MYO1D: variants seen among roughly 807,000 people sequenced by gnomAD.
The protein encoded by MYO1D is myosin ID, also known as unconventional myosin-Id.
In MYO1D, 83 loss-of-function variants were observed where a neutral mutation model predicts 122.0. That is an observed-to-expected ratio of 0.68 (90% CI 0.57 to 0.82). The LOEUF is 0.82. MYO1D is among the 40% of genes least tolerant of loss of function. The pLI, the probability that MYO1D is intolerant of heterozygous loss-of-function variation, is 0.00. For missense variants in MYO1D, 1,157 were observed against 1,269.5 expected (o/e 0.91, Z 1.35); for synonymous variants, 464 against 446.9 (o/e 1.04, Z -0.48).
chr17:32,820,463 T>C (rs1449938324), intron 1 of MYO1D, among the ~76,000 whole-genome samples: 2 of 152,182 alleles, frequency 1.3e-5, no homozygotes, highest in Non-Finnish European at 2.9e-5. Flanking sequence ...AATCCTGCCA[T>C]TTGTGACATG....
At chr17:32,704,195 A>G (rs993197348) in intron 16 of MYO1D, among the ~76,000 whole-genome samples, 2 of 152,232 alleles carry the variant, frequency 1.3e-5, no homozygotes, top group African/African-American at 4.8e-5. Context: ...GAACACACAC[A>G]CAAACTCAAA....
chr17:32,715,933 TCTC>T (rs1179176208), intron 15 of MYO1D, among the ~76,000 whole-genome samples: 9 of 152,150 alleles, frequency 5.9e-5, no homozygotes, highest in African/African-American at 1.7e-4. Flanking sequence ...ATTTAACAAT[TCTC>T]CTCATCTTTA....
intron 16 of MYO1D, among the ~76,000 whole-genome samples, chr17:32,709,060 C>T (rs1416415607): frequency 6.6e-6 from 1 of 152,160 alleles, no homozygotes; most frequent in Non-Finnish European, 1.5e-5. Flanking sequence ...CTGCCACAGA[C>T]TGAAGTCTGT....
intron 16 of MYO1D, among the ~76,000 whole-genome samples, chr17:32,699,006 C>T (rs1032150271): frequency 2.0e-5 from 3 of 152,054 alleles, no homozygotes; most frequent in Non-Finnish European, 4.4e-5. Context: ...CTTGCTCTGT[C>T]GCCCAGGTTG....
chr17:32,803,872 A>C (rs1485817455), intron 1 of MYO1D, among the ~76,000 whole-genome samples: 2 of 152,242 alleles, frequency 1.3e-5, no homozygotes, highest in Admixed American at 6.5e-5. Context: ...ATCCAAACAC[A>C]GTAATTACCA....
chr17:32,638,878 A>G, intron 19 of MYO1D, 43 bp from the exon 20 acceptor site: 1 of 1,358,052 alleles, frequency 7.4e-7, no homozygotes. Context: ...CTCATCAATA[A>G]GGAAATCAAG....
At chr17:32,827,515 T>A (rs1179251970) in intron 1 of MYO1D, among the ~76,000 whole-genome samples, 1 of 152,216 alleles carries the variant, frequency 6.6e-6, no homozygotes, top group Non-Finnish European at 1.5e-5. Context: ...TACTTAATGC[T>A]ACAGAAATAC....
intron 21 of MYO1D, among the ~76,000 whole-genome samples, chr17:32,546,666 C>T (rs1250065224): frequency 2.6e-5 from 4 of 152,204 alleles, no homozygotes. Context: ...TTCCCCAAAC[C>T]CCTGTGCTCC....
At chr17:32,754,048 TTAAA>T (rs2089923804) in intron 11 of MYO1D, among the ~76,000 whole-genome samples, 1 of 152,212 alleles carries the variant, frequency 6.6e-6, no homozygotes, top group Non-Finnish European at 1.5e-5. Context: ...AAATGAAAAT[TTAAA>T]TAAGATTTAT....
chr17:32,575,614 C>G (rs147658077), intron 21 of MYO1D, among the ~76,000 whole-genome samples: 1 of 152,144 alleles, frequency 6.6e-6, no homozygotes, highest in Non-Finnish European at 1.5e-5. Flanking sequence ...CTTTATGCAG[C>G]GAATCCCATG....
At chr17:32,577,154 G>C (rs1412842621) in intron 21 of MYO1D, among the ~76,000 whole-genome samples, 2 of 150,684 alleles carry the variant, frequency 1.3e-5, no homozygotes, top group African/African-American at 4.9e-5. Context: ...AGGAGGGTGA[G>C]ACAGGAGAAT....
At chr17:32,699,978 A>AC (rs202127882) in intron 16 of MYO1D, among the ~76,000 whole-genome samples, 2,248 of 152,340 alleles carry the variant, frequency 0.015, 42 homozygotes, top group African/African-American at 0.049. Flanking sequence ...AAGCAGTGAA[A>AC]CTAAAAAATT....
chr17:32,704,928 AATT>A (rs2089288159), intron 16 of MYO1D, among the ~76,000 whole-genome samples: 1 of 152,096 alleles, frequency 6.6e-6, no homozygotes, highest in East Asian at 1.9e-4. Context: ...AATAATATAA[AATT>A]ATATTTTTTC....
At chr17:32,827,357 T>G (rs1313451619) in intron 1 of MYO1D, among the ~76,000 whole-genome samples, 3 of 151,900 alleles carry the variant, frequency 2.0e-5, no homozygotes, top group Non-Finnish European at 4.4e-5. Context: ...AATGAAAAAA[T>G]TCATAGAGGC....
intron 21 of MYO1D, among the ~76,000 whole-genome samples, chr17:32,543,553 G>A (rs555320347): frequency 3.0e-4 from 44 of 144,564 alleles, no homozygotes; most frequent in African/African-American, 1.0e-3. Flanking sequence ...TCCAGCCTGC[G>A]CAACATCAAG....
intron 21 of MYO1D, among the ~76,000 whole-genome samples, chr17:32,500,838 C>G (rs1402911746): frequency 6.6e-6 from 1 of 152,044 alleles, no homozygotes; most frequent in Non-Finnish European, 1.5e-5. Context: ...AACCCCATCT[C>G]TACTAGAAAT....
At chr17:32,528,912 A>AT (rs1910428214) in intron 21 of MYO1D, 1 of 152,256 alleles carries the variant, frequency 6.6e-6, no homozygotes, top group South Asian at 2.1e-4. Flanking sequence ...GCTGGCCTTA[A>AT]TAACTGTGAG....
intron 21 of MYO1D, among the ~76,000 whole-genome samples, chr17:32,595,393 T>A (rs1205926956): frequency 1.3e-5 from 2 of 152,166 alleles, no homozygotes; most frequent in African/African-American, 4.8e-5. Flanking sequence ...TTACCTTGAT[T>A]TGATCATTAT....
At chr17:32,628,782 C>T (rs2087961280) in intron 20 of MYO1D, among the ~76,000 whole-genome samples, 1 of 152,126 alleles carries the variant, frequency 6.6e-6, no homozygotes, top group South Asian at 2.1e-4. Flanking sequence ...CTCATTAATT[C>T]CTGGTGGAAA....
Sources: gnomAD v4.1 joint callset for allele counts (sites outside exome capture counted in the v4.1 genomes callset) on GRCh38, gnomAD v4.1.1 for gene constraint, MANE v1.5 for transcripts, NCBI Gene and HGNC (gene_info 2026-07-23, HGNC 2026-07-21) for gene names.